The following PHC2 variants were observed in gnomAD, a reference collection of about 807,000 sequenced individuals.
The protein encoded by PHC2 is polyhomeotic-like protein 2.
A neutral mutation model predicts 87.4 loss-of-function variants in PHC2; 29 were observed. That is an observed-to-expected ratio of 0.33 (90% CI 0.25 to 0.45). The LOEUF (loss-of-function observed/expected upper bound fraction) is 0.45. Ranked by LOEUF, PHC2 falls within the 20% of genes least tolerant of loss-of-function variation. PHC2 has a pLI of 1.00. For missense variants in PHC2, 857 were observed against 1,136.7 expected, an observed-to-expected ratio of 0.75 and a Z score of 3.54; for synonymous variants, 438 against 461.7, an observed-to-expected ratio of 0.95 and a Z score of 0.66.
At chr1:33,394,390 C>T (rs541414740) in intron 1 of PHC2, among the ~76,000 whole-genome samples, 9 of 152,218 alleles carry the variant, frequency 5.9e-5, no homozygotes, top group African/African-American at 2.2e-4. Context: ...TTATCATAGG[C>T]ACCAAAAGGT....
chr1:33,426,715 A>G (rs971510020), intron 1 of PHC2, among the ~76,000 whole-genome samples: 1 of 152,176 alleles, frequency 6.6e-6, no homozygotes, highest in African/African-American at 2.4e-5. Context: ...AGGGGACCAT[A>G]GGAAAGTGTG....
At chr1:33,344,994 C>G (rs1201394729) in intron 9 of PHC2, 1 of 152,004 alleles carries the variant, frequency 6.6e-6, no homozygotes, top group African/African-American at 2.4e-5. Flanking sequence ...AGCTGTGTGG[C>G]TTTAGGTCAC....
intron 9 of PHC2, among the ~76,000 whole-genome samples, chr1:33,344,908 A>T (rs4652850): frequency 0.4 from 60,790 of 151,378 alleles, 13,771 homozygotes; most frequent in African/African-American, 0.64. Flanking sequence ...TTTTTTTTTT[A>T]AAGTAGTTGC....
At chr1:33,377,322 T>C (rs1648236408) in intron 1 of PHC2, among the ~76,000 whole-genome samples, 1 of 152,170 alleles carries the variant, frequency 6.6e-6, no homozygotes, top group Non-Finnish European at 1.5e-5. Flanking sequence ...ATCCAATAGA[T>C]AGGGTCTCTC....
Position 33,349,778 on chromosome 1 carries a change from G to A in PHC2, c.1558+4623C>T. The A allele has an allele frequency of 2.0e-6, 2 of 979,634 alleles. No homozygotes were observed. Among genetic ancestry groups the A allele is most frequent in the Non-Finnish European group, 2.4e-6 (2 of 827,376 alleles). 60.7% of individuals were successfully genotyped at this position (979,634 alleles called of 1,614,324 possible). A position where few individuals can be genotyped will look rare whatever the true frequency, so the allele number is the denominator to read the frequency against. ...CCGGCCTGGCCGGCGTCAACAAAGG[G>A]CGGCCGGGGCGCGAGGCCGGGACGG... is the stretch of plus-strand genomic sequence containing the variant. On this transcript the variant is annotated intron_variant, in intron 9 of 14. Coordinates refer to ENST00000683057, the MANE Select transcript of PHC2 (RefSeq NM_001385109.1). This position sits in a 1 kb window ranked among gnomAD's most constrained non-coding sequence, Gnocchi z 4.2.
chr1:33,407,698 T>C (rs1649820149), intron 1 of PHC2, among the ~76,000 whole-genome samples: 1 of 152,230 alleles, frequency 6.6e-6, no homozygotes, highest in South Asian at 2.1e-4. Flanking sequence ...CACAGATATT[T>C]CATTCAGACT....
chr1:33,331,593 ATTC>A lies in PHC2; in HGVS notation c.1892-134_1892-132del. ...TCCCACAGCTGTGACATACAGCAGC[ATTC>A]TAGCATGGAAAATGCCAGTGGTTCT... On this transcript the variant is annotated intron_variant, in intron 11 of 14. Transcript: ENST00000683057. This position sits in a 1 kb window ranked among gnomAD's most constrained non-coding sequence, Gnocchi z 5.2. 1.6e-6 allele frequency: 1 copy of A among 617,664 alleles called. No individual in the cohort carries two copies. Among genetic ancestry groups the A allele is most frequent in the Non-Finnish European group, 2.9e-6 (1 of 340,862 alleles). 38.3% of individuals were successfully genotyped at this position (617,664 alleles called of 1,614,324 possible). A position where few individuals can be genotyped will look rare whatever the true frequency, so the allele number is the denominator to read the frequency against.
In PHC2 at chr1:33,334,199, G is replaced by A. The variant is rs372267280; in HGVS notation, c.1652C>T (p.Thr551Ile). 2 of 1,612,782 alleles carry A rather than the reference G, an allele frequency of 1.2e-6. No individual in the cohort carries two copies. Among genetic ancestry groups the A allele is most frequent in the Non-Finnish European group, 1.7e-6 (2 of 1,179,656 alleles). The change falls in exon 10 of 15, where the codon ACT becomes ATT. Residue 551 changes from threonine (T) to isoleucine (I), a missense_variant. Physicochemically the swap from Thr to Ile is moderately conservative, Grantham distance 89 (BLOSUM62 -1). Transcript: ENST00000683057. This position sits in a 1 kb window ranked among gnomAD's most constrained non-coding sequence, Gnocchi z 5.5. ...TTTATTCTCACCATTCTGGGGGGCAGTGCCGGCGATGCTGGAGGCAGAGTT... is the reference window on the plus strand; with the variant it reads ...TTTATTCTCACCATTCTGGGGGGCAATGCCGGCGATGCTGGAGGCAGAGTT... ...NGNSASSIAG[T>I]APQNGENKPP... is the part of the protein sequence containing the mutation.
Position 33,334,307 on chromosome 1 carries a change from G to A in PHC2, c.1559-15C>T. ...CTGCCCTGTCTCTGCACGAGAGAGAGTAGGAAAACAAAGCAGGGGAGATCA... is the reference window on the plus strand; with the variant it reads ...CTGCCCTGTCTCTGCACGAGAGAGAATAGGAAAACAAAGCAGGGGAGATCA... On this transcript the variant is annotated splice_polypyrimidine_tract_variant and intron_variant, in intron 9 of 14. Transcript: ENST00000683057. The surrounding 1 kb of genome is among the most constrained non-coding windows in gnomAD (Gnocchi z 5.5). 6 of 1,610,338 alleles carry A rather than the reference G, an allele frequency of 3.7e-6. No individual in the cohort carries two copies. The highest frequency in any genetic ancestry group is 5.1e-6 in the Non-Finnish European group (6 of 1,177,592).
intron 1 of PHC2, among the ~76,000 whole-genome samples, chr1:33,416,077 G>T (rs1009995855): frequency 2.0e-5 from 3 of 152,090 alleles, no homozygotes; most frequent in Non-Finnish European, 2.9e-5. Context: ...AGAGATGTGG[G>T]GAGGAAGGGA....
chr1:33,328,121 G>C (rs1646411092), intron 14 of PHC2, among the ~76,000 whole-genome samples: 1 of 152,160 alleles, frequency 6.6e-6, no homozygotes, highest in African/African-American at 2.4e-5. Flanking sequence ...AGTGAGACTG[G>C]CAGAAAAACA....
intron 9 of PHC2, chr1:33,345,753 A>T: frequency 1.0e-6 from 1 of 985,030 alleles, no homozygotes; most frequent in African/African-American, 1.7e-5. Flanking sequence ...TGTCTTGGAT[A>T]TGCAAATGGT....
Position 33,395,346 on chromosome 1 carries a change from G to C in PHC2, c.-54-19753C>G, listed in dbSNP as rs192169880. Among the ~76,000 whole-genome samples, 242 of 152,216 alleles carry C rather than the reference G, an allele frequency of 1.6e-3. 1 individual carries two copies. The highest frequency in any genetic ancestry group is 5.6e-3 in the African/African-American group (233 of 41,514). On this transcript the variant is annotated intron_variant, in intron 1 of 14. Transcript: ENST00000683057. ...AAGAGGGAATTTCTGGGGTGATGTT[G>C]ATAGGGATTTGTACTATATCAATGC...
intron 1 of PHC2, among the ~76,000 whole-genome samples, chr1:33,405,484 C>T (rs1421865690): frequency 1.3e-5 from 2 of 152,194 alleles, no homozygotes; most frequent in Non-Finnish European, 2.9e-5. Context: ...AACCACTACA[C>T]CCGGCAGCAG....
At chr1:33,391,956 A>T (rs1472794353) in intron 1 of PHC2, among the ~76,000 whole-genome samples, 9 of 152,180 alleles carry the variant, frequency 5.9e-5, no homozygotes. Context: ...TAGGGAGCTC[A>T]AAAGGAAGGC....
intron 9 of PHC2, among the ~76,000 whole-genome samples, chr1:33,338,747 A>G (rs565493600): frequency 3.1e-4 from 47 of 152,350 alleles, no homozygotes; most frequent in East Asian, 2.1e-3. Context: ...TTCAGAGGCT[A>G]TAAGTGCTGC....
At chr1:33,326,537 T>A (rs1646374894) in intron 14 of PHC2, 1 of 152,252 alleles carries the variant, frequency 6.6e-6, no homozygotes, top group African/African-American at 2.4e-5. Context: ...AGAATACCAA[T>A]GCAGACAACA....
intron 1 of PHC2, among the ~76,000 whole-genome samples, chr1:33,414,585 T>C (rs1570513856): frequency 6.6e-6 from 1 of 152,234 alleles, no homozygotes; most frequent in South Asian, 2.1e-4. Context: ...GTTACAGCTC[T>C]GTACAACCAT....
chr1:33,430,555 G>A (rs1650869801), intron 1 of PHC2, among the ~76,000 whole-genome samples: 1 of 152,188 alleles, frequency 6.6e-6, no homozygotes, highest in African/African-American at 2.4e-5. Context: ...ACGGGCTGCC[G>A]CGGCGCGGGC....
Sources: allele counts gnomAD v4.1 joint callset (sites outside exome capture counted in the v4.1 genomes callset), GRCh38; gene constraint gnomAD v4.1.1; non-coding constraint Gnocchi (gnomAD v3.1); transcripts MANE v1.5; gene names NCBI Gene and HGNC (gene_info 2026-07-23, HGNC 2026-07-21).